DBNDD1: variants seen among roughly 807,000 people sequenced by gnomAD.
DBNDD1 encodes the protein dysbindin domain-containing protein 1.
DBNDD1 carries 14 observed loss-of-function variants against 17.0 expected under a neutral mutation model. The ratio of observed to expected loss-of-function variants is 0.82; its 90% CI spans 0.54 to 1.29. DBNDD1 has a LOEUF of 1.29. DBNDD1 is among the 50% of genes most tolerant of loss of function. DBNDD1 has a pLI of 0.00. For missense variants in DBNDD1, 221 were observed against 216.2 expected, an observed-to-expected ratio of 1.02 and a Z score of -0.14; for synonymous variants, 105 against 102.0, an observed-to-expected ratio of 1.03 and a Z score of -0.18.
At chr16:90,014,167 A>C (rs1437752484) in intron 1 of DBNDD1, among the ~76,000 whole-genome samples, 10 of 151,188 alleles carry the variant, frequency 6.6e-5, no homozygotes, top group Admixed American at 1.3e-4. Flanking sequence ...TCGCTCTGTC[A>C]CCAGGCTGGA....
chr16:90,010,311 A>T, intron 1 of DBNDD1: 1 of 282,510 alleles, frequency 3.5e-6, no homozygotes, highest in Non-Finnish European at 6.6e-6. Flanking sequence ...AAGTGCTAGG[A>T]TTACAAGGTG....
In DBNDD1 at chr16:90,006,316, T is replaced by C. The variant is rs373819589; in HGVS notation, c.*19A>G. ...GTTCGGACCCCATCCCTGCAGGAGCTGGGGCAGGTGGAGATGGTCTAGTCC... is the reference window on the plus strand; with the variant it reads ...GTTCGGACCCCATCCCTGCAGGAGCCGGGGCAGGTGGAGATGGTCTAGTCC... On this transcript the variant is annotated 3_prime_UTR_variant, in exon 4 of 4. Coordinates refer to ENST00000002501, the MANE Select transcript of DBNDD1 (RefSeq NM_001042610.3). 1.9e-6 allele frequency: 3 copies of C among 1,593,980 alleles called. No individual in the cohort carries two copies. The highest frequency in any genetic ancestry group is 2.7e-5 in the African/African-American group (2 of 74,666).
intron 1 of DBNDD1, chr16:90,009,931 A>G (rs757781339): frequency 3.1e-6 from 5 of 1,604,744 alleles, no homozygotes; most frequent in Non-Finnish European, 4.3e-6. Flanking sequence ...AGAATAATAC[A>G]TTCTCATTAA....
chr16:90,014,869 G>A (rs770127673), intron 1 of DBNDD1, among the ~76,000 whole-genome samples: 1 of 152,114 alleles, frequency 6.6e-6, no homozygotes, highest in Non-Finnish European at 1.5e-5. Context: ...AGCCGGTGTG[G>A]TGGTACGTGC....
chr16:90,010,522 C>T (rs1022527206), intron 1 of DBNDD1, among the ~76,000 whole-genome samples: 3 of 151,270 alleles, frequency 2.0e-5, no homozygotes, highest in South Asian at 2.1e-4. Flanking sequence ...TGCCCGCCAC[C>T]ACACCCAGCT....
chr16:90,019,182 C>A lies in DBNDD1; in HGVS notation c.31+129G>T. The A allele has an allele frequency of 2.5e-6, 1 of 399,850 alleles. No individual in the cohort carries two copies. The highest frequency in any genetic ancestry group is 4.1e-6 in the Non-Finnish European group (1 of 241,902). The allele number at this position is 399,850 out of a possible 1,614,324, so 24.8% of individuals were successfully genotyped here. A position where few individuals can be genotyped will look rare whatever the true frequency, so the allele number is the denominator to read the frequency against. ...CGGGAGGTGCCCCTGGCCCGCCGGA[C>A]GACCCCGAGCTGCCAAAGGGGTCTT... On this transcript the variant is annotated intron_variant, in intron 1 of 3. Coordinates refer to ENST00000002501, the MANE Select transcript of DBNDD1 (RefSeq NM_001042610.3). This position sits in a 1 kb window ranked among gnomAD's most constrained non-coding sequence, Gnocchi z 6.1.
chr16:90,008,056 A>C (rs57648806), intron 3 of DBNDD1, among the ~76,000 whole-genome samples: 166 of 30,862 alleles, frequency 5.4e-3, no homozygotes, highest in African/African-American at 8.3e-3. Context: ...AGCCCACCAC[A>C]CACACCTCCC....
intron 1 of DBNDD1, among the ~76,000 whole-genome samples, chr16:90,018,078 C>T (rs1353432264): frequency 6.6e-6 from 1 of 152,254 alleles, no homozygotes; most frequent in Non-Finnish European, 1.5e-5. Flanking sequence ...GGAAGCAGAA[C>T]TGTCTCCACT....
rs2035419547 is a variant in DBNDD1, at chr16:90,006,190, A to G, written c.*145T>C. Reference sequence around the variant, plus strand: ...AGACAAGGCCGGTCTCGGGGCTGGCAGAGAGCTGCCCCCAGGGTGTGTGTC... The same window carrying G: ...AGACAAGGCCGGTCTCGGGGCTGGCGGAGAGCTGCCCCCAGGGTGTGTGTC... On this transcript the variant is annotated 3_prime_UTR_variant, in exon 4 of 4. Transcript: ENST00000002501. 6.0e-6 allele frequency: 7 copies of G among 1,167,988 alleles called. No homozygotes were observed. The highest frequency in any genetic ancestry group is 4.2e-4 in the Middle Eastern group (2 of 4,806). The allele number at this position is 1,167,988 out of a possible 1,614,324, so 72.4% of individuals were successfully genotyped here.
chr16:90,012,404 C>T (rs1412521404), intron 1 of DBNDD1, among the ~76,000 whole-genome samples: 3 of 152,080 alleles, frequency 2.0e-5, no homozygotes, highest in Admixed American at 6.5e-5. Flanking sequence ...CTGTCAGCTC[C>T]ACCTCTGTCC....
chr16:90,018,650 C>T (rs143684117), intron 1 of DBNDD1, among the ~76,000 whole-genome samples: 3 of 152,222 alleles, frequency 2.0e-5, no homozygotes, highest in African/African-American at 4.8e-5. Context: ...GCTTTCTTCC[C>T]GTTACCGACT....
chr16:90,009,506 A>G (rs2035511269), intron 1 of DBNDD1, 76 bp from the exon 2 acceptor site: 1 of 1,581,492 alleles, frequency 6.3e-7, no homozygotes, highest in African/African-American at 1.3e-5. Context: ...GCTGGGTGTG[A>G]GGACTTGGCA....
intron 1 of DBNDD1, among the ~76,000 whole-genome samples, chr16:90,014,049 T>C (rs2151264086): frequency 6.6e-6 from 1 of 152,106 alleles, no homozygotes; most frequent in African/African-American, 2.4e-5. Flanking sequence ...TTGGTTTCTA[T>C]ACTGAGTAAG....
rs1218544157 is a variant in DBNDD1 at position 90,017,486 on chromosome 16, C to G, written c.31+1825G>C. ...CTCCGGCCTGGGCAACAGAGCGAGA[C>G]TCCGTCTCAAAAAAAAAAAAAATCA... On this transcript the variant is annotated intron_variant, in intron 1 of 3. Transcript: ENST00000002501. Among the ~76,000 whole-genome samples the G allele has an allele frequency of 2.3e-5, 3 of 129,100 alleles. No individual in the cohort carries two copies. The East Asian group carries it at 1.1e-3, about 47-fold the overall frequency. The allele number at this position is 129,100 out of a possible 152,430, so 84.7% of individuals were successfully genotyped here.
chr16:90,006,886 C>T, intron 3 of DBNDD1: 1 of 173,266 alleles, frequency 5.8e-6, no homozygotes, highest in Admixed American at 5.6e-5. Flanking sequence ...CCATCATGGG[C>T]CTTGTGTGTC....
chr16:90,018,989 C>A (rs2035707813), intron 1 of DBNDD1, among the ~76,000 whole-genome samples: 1 of 152,226 alleles, frequency 6.6e-6, no homozygotes, highest in South Asian at 2.1e-4. Context: ...AACCCCCCTC[C>A]CCCGCTCCCC....
chr16:90,011,521 C>CTG (rs1037777070), intron 1 of DBNDD1: 14 of 387,710 alleles, frequency 3.6e-5, no homozygotes, highest in Admixed American at 1.6e-4. Context: ...GGGGGCAGCC[C>CTG]TGTGGCCTGA....
At chr16:90,013,261 T>TAAAAAAAAAAAAAAAAAAAAA (rs1567835111) in intron 1 of DBNDD1, among the ~76,000 whole-genome samples, 2 of 4,494 alleles carry the variant, frequency 4.5e-4, no homozygotes, top group Non-Finnish European at 9.7e-4. Flanking sequence ...AAACCTTGCC[T>TAAAAAAAAAAAAAAAAAAAAA]TAAAAAAAAA....
At chr16:90,009,690 G>A in intron 1 of DBNDD1, 1 of 633,332 alleles carries the variant, frequency 1.6e-6, no homozygotes, top group East Asian at 2.8e-5. Flanking sequence ...ATCACCTTTG[G>A]TACGCAAGCA....
Sources: gnomAD v4.1 joint callset for allele counts (sites outside exome capture counted in the v4.1 genomes callset) on GRCh38, gnomAD v4.1.1 for gene constraint, Gnocchi (gnomAD v3.1) non-coding constraint, MANE v1.5 for transcripts, NCBI Gene and HGNC (gene_info 2026-07-23, HGNC 2026-07-21) for gene names.